The following KCNT2 variants were observed in gnomAD, a reference collection of about 807,000 sequenced individuals.
KCNT2 encodes potassium channel subfamily T member 2.
Under a neutral mutation model 153.8 loss-of-function variants are expected in KCNT2, and 67 were observed. That is an observed-to-expected ratio of 0.44 (90% CI 0.36 to 0.53). The LOEUF (loss-of-function observed/expected upper bound fraction) is 0.53, where lower values mean the gene tolerates loss of function less well. Among genes scored for constraint, KCNT2 ranks in the 20% least tolerant of loss-of-function variants. The pLI, the probability that KCNT2 is intolerant of heterozygous loss-of-function variation, is 0.00. For missense variants in KCNT2, 975 were observed against 1,354.8 expected, an observed-to-expected ratio of 0.72 and a Z score of 4.40; for synonymous variants, 500 against 458.8, an observed-to-expected ratio of 1.09 and a Z score of -1.15.
chr1:196,436,613 A>AT (rs1674680962), intron 8 of KCNT2, among the ~76,000 whole-genome samples: 1 of 151,360 alleles, frequency 6.6e-6, no homozygotes, highest in African/African-American at 2.4e-5. Context: ...TGTTTCATTC[A>AT]CACATGTCTT....
At chr1:196,442,571 G>A (rs1002228960) in intron 8 of KCNT2, among the ~76,000 whole-genome samples, 3 of 151,638 alleles carry the variant, frequency 2.0e-5, no homozygotes, top group African/African-American at 4.8e-5. Context: ...CAGGTGGTTC[G>A]GACTTCAATG....
chr1:196,600,747 C>A (rs776269693), intron 1 of KCNT2, among the ~76,000 whole-genome samples: 6 of 152,112 alleles, frequency 3.9e-5, no homozygotes, highest in Non-Finnish European at 8.8e-5. Flanking sequence ...TTTGTTTATT[C>A]ATAAAATTTG....
rs746624880 is a variant in KCNT2 at position 196,334,029 on chromosome 1, G to A, written c.1815C>T (p.Ser605=). ...GGGTAGGGCCACTTGCTGATCTACA[G>A]CTTGTATCTTGCAAGTCTATAGCCA... ...GTVAIDLQDT[S]CRSASGPTLS... is the part of the protein sequence containing the mutation. Residue 605 remains serine, a synonymous_variant, in exon 17 of 28, where the codon AGC becomes AGT. Coordinates refer to ENST00000294725, the MANE Select transcript of KCNT2 (RefSeq NM_198503.5). 29 of 1,613,044 alleles carry A rather than the reference G, an allele frequency of 1.8e-5. No homozygotes were observed. The South Asian group carries it at 3.0e-4, about 16-fold the overall frequency.
chr1:196,264,633 T>G (rs1657355916), intron 25 of KCNT2, among the ~76,000 whole-genome samples: 1 of 151,722 alleles, frequency 6.6e-6, no homozygotes, highest in African/African-American at 2.4e-5. Flanking sequence ...TTTTAAAAAT[T>G]ATTTATTTAT....
Position 196,305,314 on chromosome 1 carries a change from G to C in KCNT2, c.2515C>G (p.Leu839Val). 1.2e-6 allele frequency: 2 copies of C among 1,611,016 alleles called. No individual in the cohort carries two copies. The highest frequency in any genetic ancestry group is 1.7e-6 in the Non-Finnish European group (2 of 1,177,554). ...LFSSLSIITE[L>V]THPANMRFMQ... ...AATCTCATGTTGGCGGGGTGAGTTA[G>C]CTCTGTGATAATACTGAGACTGGAA... Residue 839 changes from leucine (L) to valine (V), a missense_variant, in exon 22 of 28, where the codon CTA (leucine) becomes GTA (valine). This residue lies in a region of KCNT2 where 66 missense variants were observed against 147.9 expected (regional missense o/e 0.45). Coordinates refer to ENST00000294725, the MANE Select transcript of KCNT2 (RefSeq NM_198503.5).
chr1:196,518,478 T>TAAAAA (rs35962682), intron 1 of KCNT2, among the ~76,000 whole-genome samples: 1 of 126,354 alleles, frequency 7.9e-6, no homozygotes, highest in African/African-American at 2.9e-5. Context: ...AAGCTGGATT[T>TAAAAA]AAAAAAAAAA....
rs1558095560 is a variant in KCNT2, at chr1:196,280,844, TTTG to T, written c.2910+13_2910+15del. On this transcript the variant is annotated intron_variant, in intron 25 of 27. Coordinates refer to ENST00000294725, the MANE Select transcript of KCNT2 (RefSeq NM_198503.5). ...AGATTAAACATCAAAACAAGAATAT[TTTG>T]TTATTTCCAAACCTCAGATGTAGTA... The T allele has an allele frequency of 6.2e-7, 1 of 1,607,398 alleles. No homozygotes were observed. The highest frequency in any genetic ancestry group is 8.5e-7 in the Non-Finnish European group (1 of 1,174,486).
intron 1 of KCNT2, among the ~76,000 whole-genome samples, chr1:196,577,790 C>A (rs1661543854): frequency 6.6e-6 from 1 of 152,050 alleles, no homozygotes; most frequent in Non-Finnish European, 1.5e-5. Context: ...CTAAAAGGAT[C>A]AAACTGTCTC....
At chr1:196,259,395 C>T (rs1483985182) in intron 25 of KCNT2, among the ~76,000 whole-genome samples, 1 of 152,044 alleles carries the variant, frequency 6.6e-6, no homozygotes, top group Admixed American at 6.6e-5. Context: ...TGAAATGCAA[C>T]ACTGATCAAA....
At chr1:196,231,715 C>T (rs1216779688) in intron 27 of KCNT2, among the ~76,000 whole-genome samples, 1 of 151,646 alleles carries the variant, frequency 6.6e-6, no homozygotes, top group Admixed American at 6.6e-5. Context: ...AATGATTTGA[C>T]TTTAGAAAAC....
Position 196,398,586 on chromosome 1 carries a change from T to C in KCNT2, c.1271A>G (p.Asn424Ser). 2 of 1,600,318 alleles carry C rather than the reference T, an allele frequency of 1.2e-6. No homozygotes were observed. Among genetic ancestry groups the C allele is most frequent in the East Asian group, 2.2e-5 (1 of 44,508 alleles). Residue 424 changes from asparagine (N) to serine (S), a missense_variant, in exon 13 of 28, where the codon AAT (asparagine) becomes AGT (serine). Asn to Ser is a conservative substitution (Grantham distance 46, BLOSUM62 1). Coordinates refer to ENST00000294725, the MANE Select transcript of KCNT2 (RefSeq NM_198503.5). ...PLYVQILKPE[N>S]KFHIKFADHV... is the part of the protein sequence containing the mutation. ...ACCAGCAAATTTGATGTGAAATTTA[T>C]TTTCAGGCTTTAATATCTGGACATA...
intron 13 of KCNT2, among the ~76,000 whole-genome samples, chr1:196,384,058 T>C (rs1450563296): frequency 6.6e-6 from 1 of 152,178 alleles, no homozygotes; most frequent in Admixed American, 6.5e-5. Context: ...AAAAGGGAAC[T>C]ATGTGAGGTG....
At chr1:196,569,994 C>G (rs1660573831) in intron 1 of KCNT2, among the ~76,000 whole-genome samples, 1 of 146,440 alleles carries the variant, frequency 6.8e-6, no homozygotes. Context: ...TCAAGGGCTA[C>G]AGGAAACTTC....
At chr1:196,564,681 T>C (rs1659867673) in intron 1 of KCNT2, among the ~76,000 whole-genome samples, 1 of 151,688 alleles carries the variant, frequency 6.6e-6, no homozygotes, top group Non-Finnish European at 1.5e-5. Context: ...ATAGACAGCC[T>C]AGAAATAAAT....
At chr1:196,541,952 C>T (rs1237631211) in intron 1 of KCNT2, among the ~76,000 whole-genome samples, 1 of 151,672 alleles carries the variant, frequency 6.6e-6, no homozygotes, top group East Asian at 1.9e-4. Context: ...TTCCCTTTTC[C>T]AGATAAAATA....
intron 22 of KCNT2, among the ~76,000 whole-genome samples, chr1:196,288,979 GT>G (rs1163548594): frequency 4.6e-5 from 7 of 152,060 alleles, no homozygotes; most frequent in African/African-American, 1.4e-4. Context: ...CTGTTCCTCA[GT>G]TTTATAACTG....
chr1:196,515,354 A>G (rs796663602), intron 1 of KCNT2, among the ~76,000 whole-genome samples: 7 of 152,344 alleles, frequency 4.6e-5, no homozygotes, highest in African/African-American at 1.7e-4. Context: ...ATTGCACTAT[A>G]TAAAATAGAT....
At chr1:196,382,715 A>C (rs961053610) in intron 13 of KCNT2, among the ~76,000 whole-genome samples, 1 of 152,196 alleles carries the variant, frequency 6.6e-6, no homozygotes, top group Non-Finnish European at 1.5e-5. Flanking sequence ...AAATTTAAGG[A>C]AGTTTTCATG....
intron 14 of KCNT2, among the ~76,000 whole-genome samples, chr1:196,348,515 G>A (rs995531770): frequency 6.6e-6 from 1 of 152,226 alleles, no homozygotes; most frequent in African/African-American, 2.4e-5. Flanking sequence ...TCATACTCTT[G>A]TGAGACTGTT....
Sources: allele counts gnomAD v4.1 joint callset (sites outside exome capture counted in the v4.1 genomes callset), GRCh38; gene constraint gnomAD v4.1.1; regional missense constraint gnomAD v4.1.1; transcripts MANE v1.5; gene names NCBI Gene and HGNC (gene_info 2026-07-23, HGNC 2026-07-21).